Variants in SH3YL1 observed in about 807,000 individuals in gnomAD.
The protein encoded by SH3YL1 is SH3 domain-containing YSC84-like protein 1.
A neutral mutation model predicts 45.8 loss-of-function variants in SH3YL1; 41 were observed. The ratio of observed to expected loss-of-function variants is 0.89; its 90% CI spans 0.70 to 1.16. The LOEUF is 1.16. Ranked by LOEUF, SH3YL1 falls within the 50% of genes most tolerant of loss-of-function variation. The probability of loss-of-function intolerance (pLI) is 0.00; values close to 1 mark genes in which losing one functional copy is unlikely to be tolerated. For synonymous variants in SH3YL1, 152 were observed against 151.4 expected (o/e 1.00, Z -0.03); for missense variants, 389 against 409.6 (o/e 0.95, Z 0.43).
rs1040970869 is a variant in SH3YL1 at position 231,192 on chromosome 2, C to A, written c.534-1G>T. On this transcript the variant is annotated splice_acceptor_variant, in intron 6 of 9. Coordinates refer to ENST00000356150, the MANE Select transcript of SH3YL1 (RefSeq NM_015677.4). LOFTEE classifies it high-confidence loss of function. ...AGCTCGGATATCTTGACAATAAAATCTAATGGGAAATATAAAATTAAAAAC... is the reference window on the plus strand; with the variant it reads ...AGCTCGGATATCTTGACAATAAAATATAATGGGAAATATAAAATTAAAAAC... 1.9e-6 allele frequency: 3 copies of A among 1,597,076 alleles called. No individual in the cohort carries two copies. The African/African-American group carries it at 4.1e-5, about 22-fold the overall frequency.
intron 4 of SH3YL1, among the ~76,000 whole-genome samples, chr2:246,596 AG>A (rs1668822603): frequency 8.1e-6 from 1 of 123,260 alleles, no homozygotes. Flanking sequence ...AGGTGGGGAA[AG>A]GGGAAGAGAG....
At chr2:242,668 AAATGTG>A in intron 4 of SH3YL1, 1 of 1,221,344 alleles carries the variant, frequency 8.2e-7, no homozygotes, top group Non-Finnish European at 1.1e-6. Context: ...ATAATCTATT[AAATGTG>A]AATGAATTAA....
intron 9 of SH3YL1, among the ~76,000 whole-genome samples, chr2:221,062 G>A (rs796722951): frequency 1.2e-4 from 18 of 150,878 alleles, no homozygotes; most frequent in African/African-American, 4.1e-4. Flanking sequence ...CTCTTACACC[G>A]CCCACTGCAA....
At chr2:249,060 A>G (rs1572171872) in intron 3 of SH3YL1, among the ~76,000 whole-genome samples, 1 of 152,262 alleles carries the variant, frequency 6.6e-6, no homozygotes, top group East Asian at 1.9e-4. Flanking sequence ...TGCTACTAAT[A>G]GAAAAACGTG....
chr2:226,229 A>G (rs1360522302), intron 8 of SH3YL1, among the ~76,000 whole-genome samples: 1 of 152,210 alleles, frequency 6.6e-6, no homozygotes, highest in Non-Finnish European at 1.5e-5. Context: ...TAAAACTTTC[A>G]TGGAGTAAAA....
At chr2:223,337 G>A (rs903663429) in intron 9 of SH3YL1, among the ~76,000 whole-genome samples, 1 of 152,148 alleles carries the variant, frequency 6.6e-6, no homozygotes, top group African/African-American at 2.4e-5. Context: ...CATTACCAAG[G>A]CATTCTTTGG....
chr2:233,764 C>A (rs553668637), intron 5 of SH3YL1, among the ~76,000 whole-genome samples: 1 of 152,040 alleles, frequency 6.6e-6, no homozygotes, highest in Non-Finnish European at 1.5e-5. Flanking sequence ...ACTGTAAACA[C>A]GGCTCAAAAA....
At chr2:230,574 A>G (rs1207064241) in intron 7 of SH3YL1, 3 of 209,334 alleles carry the variant, frequency 1.4e-5, no homozygotes, top group Admixed American at 5.3e-5. Flanking sequence ...GTGCAATGGC[A>G]TGATCTTGGC....
intron 4 of SH3YL1, chr2:240,646 G>A (rs1277575997): frequency 1.3e-5 from 2 of 152,200 alleles, no homozygotes; most frequent in Non-Finnish European, 2.9e-5. Context: ...AAACTGTGGA[G>A]CAATTTATGT....
intron 9 of SH3YL1, among the ~76,000 whole-genome samples, chr2:221,366 T>C (rs1667566561): frequency 6.6e-6 from 1 of 152,144 alleles, no homozygotes; most frequent in Non-Finnish European, 1.5e-5. Flanking sequence ...GATAACTGAA[T>C]TGGTTCTAAG....
intron 4 of SH3YL1, among the ~76,000 whole-genome samples, chr2:244,306 C>T (rs1249484758): frequency 6.6e-6 from 1 of 152,022 alleles, no homozygotes; most frequent in Admixed American, 6.5e-5. Context: ...ACTATCCTGG[C>T]TGACACAGTG....
chr2:232,982 A>G lies in SH3YL1; in HGVS notation c.533+119T>C, dbSNP rs915930948. 6.5e-6 allele frequency: 5 copies of G among 768,510 alleles called. 1 individual carries two copies. The South Asian group carries it at 2.6e-4, about 40-fold the overall frequency. 47.6% of individuals were successfully genotyped at this position (768,510 alleles called of 1,614,324 possible). A position where few individuals can be genotyped will look rare whatever the true frequency, so the allele number is the denominator to read the frequency against. On this transcript the variant is annotated intron_variant, in intron 6 of 9. Coordinates refer to ENST00000356150, the MANE Select transcript of SH3YL1 (RefSeq NM_015677.4). Reference sequence around the variant, plus strand: ...TATTTAATTTTTAAATGTAAGATACACACTTAAAACCACATGTTGTAAAAA... The same window carrying G: ...TATTTAATTTTTAAATGTAAGATACGCACTTAAAACCACATGTTGTAAAAA...
At chr2:224,206 C>T (rs1667699292) in intron 9 of SH3YL1, among the ~76,000 whole-genome samples, 3 of 152,088 alleles carry the variant, frequency 2.0e-5, no homozygotes, top group Admixed American at 1.3e-4. Context: ...CTCACATTTG[C>T]AAATAATTGC....
chr2:225,487 G>A (rs917413977), intron 8 of SH3YL1, among the ~76,000 whole-genome samples: 1 of 152,234 alleles, frequency 6.6e-6, no homozygotes, highest in Non-Finnish European at 1.5e-5. Flanking sequence ...TGGAGATGGT[G>A]TCTCTTAAGT....
chr2:247,110 T>C (rs1247879433), intron 4 of SH3YL1, among the ~76,000 whole-genome samples: 2 of 152,218 alleles, frequency 1.3e-5, no homozygotes, highest in African/African-American at 4.8e-5. Context: ...TCTTCTTTAC[T>C]TAAAGAATGT....
At chr2:259,342 T>C (rs996172499) in intron 1 of SH3YL1, 2 of 152,172 alleles carry the variant, frequency 1.3e-5, no homozygotes, top group Non-Finnish European at 2.9e-5. Flanking sequence ...ACAGGGGGTT[T>C]CTCTCTGTTT....
intron 9 of SH3YL1, among the ~76,000 whole-genome samples, chr2:224,089 T>C (rs1039428311): frequency 6.6e-6 from 1 of 152,222 alleles, no homozygotes; most frequent in Non-Finnish European, 1.5e-5. Context: ...GACAGTTTTA[T>C]ATCCAGCAGC....
chr2:241,966 T>G (rs1312251436), intron 4 of SH3YL1: 3 of 152,120 alleles, frequency 2.0e-5, no homozygotes, highest in Admixed American at 1.3e-4. Context: ...ATCCACACTT[T>G]AAAAAATCAC....
chr2:250,590 C>T (rs1489555829), intron 2 of SH3YL1, among the ~76,000 whole-genome samples: 5 of 152,294 alleles, frequency 3.3e-5, no homozygotes, highest in South Asian at 2.1e-4. Flanking sequence ...TTCAAACTAA[C>T]GAGGGAAGCC....
Sources: gnomAD v4.1 joint callset for allele counts (sites outside exome capture counted in the v4.1 genomes callset) on GRCh38, gnomAD v4.1.1 for gene constraint, MANE v1.5 for transcripts, NCBI Gene and HGNC (gene_info 2026-07-23, HGNC 2026-07-21) for gene names.